The following NCKAP5 variants were observed in gnomAD, a reference collection of about 807,000 sequenced individuals.
NCKAP5 encodes nck-associated protein 5.
NCKAP5 carries 92 observed loss-of-function variants against 167.0 expected under a neutral mutation model. The ratio of observed to expected loss-of-function variants is 0.55; its 90% confidence interval spans 0.47 to 0.66. The LOEUF is 0.66. NCKAP5 is among the 30% of genes least tolerant of loss of function. NCKAP5 has a pLI of 0.00. For synonymous variants in NCKAP5, 891 were observed against 877.4 expected (o/e 1.02, Z -0.27); for missense variants, 2,378 against 2,315.0 (o/e 1.03, Z -0.56).
chr2:133,388,066 C>T (rs963886735), intron 3 of NCKAP5, among the ~76,000 whole-genome samples: 1 of 152,234 alleles, frequency 6.6e-6, no homozygotes, highest in Non-Finnish European at 1.5e-5. Context: ...CTCCATCCAG[C>T]TTTGTTCCAT....
chr2:132,695,202 C>T (rs989349099), intron 19 of NCKAP5, among the ~76,000 whole-genome samples: 2 of 152,190 alleles, frequency 1.3e-5, no homozygotes, highest in East Asian at 3.9e-4. Context: ...GGGACATAAA[C>T]ATTCAATCCT....
rs543547116 is a variant in NCKAP5, at chr2:132,783,980, C to T, written c.2831G>A (p.Ser944Asn). The T allele has an allele frequency of 8.1e-6, 13 of 1,596,186 alleles. No individual in the cohort carries two copies. The South Asian group carries it at 1.0e-4, about 13-fold the overall frequency. The part of the protein sequence containing the change: ...GRSVSLLARP[S>N]YDYSPAPSST... ...TGAAGGTGCTGGTGAATAGTCATAG[C>T]TGGGCCTGGCCAGCAGGGAGACGGA... The change falls in exon 14 of 20, where the codon AGC becomes AAC. Residue 944 changes from serine to asparagine, a missense_variant. Physicochemically the swap from Ser to Asn is conservative, Grantham distance 46. Transcript: ENST00000409261.
At chr2:133,423,547 T>C (rs1179735335) in intron 3 of NCKAP5, among the ~76,000 whole-genome samples, 1 of 152,188 alleles carries the variant, frequency 6.6e-6, no homozygotes, top group Admixed American at 6.5e-5. Flanking sequence ...GGGGAATTGT[T>C]ACTACTAATT....
rs528781911 is a variant in NCKAP5 at position 133,360,106 on chromosome 2, T to C, written c.70-56996A>G. 5.3e-5 allele frequency among the ~76,000 whole-genome samples: 8 copies of C among 152,202 alleles called. No homozygotes were observed. The South Asian group carries it at 1.5e-3, about 28-fold the overall frequency. Reference sequence around the variant, plus strand: ...AAAAGCATGAAATATCATGAGACAATGCACATGAATCTCTCCTTTAGCCCC... The same window carrying C: ...AAAAGCATGAAATATCATGAGACAACGCACATGAATCTCTCCTTTAGCCCC... On this transcript the variant is annotated intron_variant, in intron 3 of 19. Transcript: ENST00000409261.
chr2:133,427,740 AAT>A (rs1689904077), intron 3 of NCKAP5, among the ~76,000 whole-genome samples: 1 of 152,162 alleles, frequency 6.6e-6, no homozygotes, highest in Non-Finnish European at 1.5e-5. Context: ...GTGATATAAA[AAT>A]ATGTTAGCAT....
chr2:133,261,772 G>A (rs185200784), intron 4 of NCKAP5, among the ~76,000 whole-genome samples: 13 of 152,226 alleles, frequency 8.5e-5, no homozygotes, highest in Admixed American at 1.3e-4. Context: ...TCATACTTGC[G>A]GAGGGCCACA....
chr2:133,507,690 T>C (rs1045746361), intron 3 of NCKAP5, among the ~76,000 whole-genome samples: 51 of 152,144 alleles, frequency 3.4e-4, no homozygotes, highest in African/African-American at 1.2e-3. Flanking sequence ...ACTGAAGCGT[T>C]TGAATATGAT....
At chr2:132,911,279 T>C (rs1694429226) in intron 8 of NCKAP5, 1 of 154,100 alleles carries the variant, frequency 6.5e-6, no homozygotes, top group African/African-American at 2.4e-5. Flanking sequence ...TGGCTTCTAT[T>C]TTCTTTTCTT....
At chr2:132,836,414 T>C (rs1338479696) in intron 11 of NCKAP5, among the ~76,000 whole-genome samples, 4 of 152,144 alleles carry the variant, frequency 2.6e-5, no homozygotes, top group African/African-American at 9.7e-5. Flanking sequence ...TAGGAGTATT[T>C]TTTTTTTGTT....
At chr2:133,038,399 T>C (rs1276929588) in intron 6 of NCKAP5, among the ~76,000 whole-genome samples, 3 of 152,158 alleles carry the variant, frequency 2.0e-5, no homozygotes, top group Non-Finnish European at 4.4e-5. Flanking sequence ...TTTTCACTTA[T>C]TTGTCGGATC....
intron 19 of NCKAP5, among the ~76,000 whole-genome samples, chr2:132,703,052 G>A (rs1331629186): frequency 2.0e-5 from 3 of 152,068 alleles, no homozygotes; most frequent in East Asian, 1.9e-4. Context: ...GTAAGGGTAT[G>A]TGCCTGCAGT....
chr2:132,766,304 A>AG (rs1558740653), intron 16 of NCKAP5, among the ~76,000 whole-genome samples: 10 of 150,486 alleles, frequency 6.6e-5, no homozygotes, highest in Admixed American at 5.3e-4. Context: ...AAAAAAAAAA[A>AG]AGAGAAAATC....
chr2:133,057,279 G>A (rs1573894885), intron 6 of NCKAP5, among the ~76,000 whole-genome samples: 1 of 152,246 alleles, frequency 6.6e-6, no homozygotes, highest in East Asian at 1.9e-4. Flanking sequence ...AGGTCTTCAA[G>A]TGAAATGAAG....
chr2:133,481,532 G>T (rs1336955057), intron 3 of NCKAP5, among the ~76,000 whole-genome samples: 1 of 152,070 alleles, frequency 6.6e-6, no homozygotes, highest in Non-Finnish European at 1.5e-5. Flanking sequence ...TGTCACCCAG[G>T]TATTAAGCCT....
rs1558978466 is a variant in NCKAP5, at chr2:132,949,034, GAAAAGAAAAGAA to G, written c.579+14674_579+14685del. 3.8e-3 allele frequency among the ~76,000 whole-genome samples: 568 copies of G among 150,256 alleles called. 10 individuals are homozygous for G. In the East Asian group the frequency reaches 0.044, roughly 12 times the overall value. On this transcript the variant is annotated intron_variant, in intron 8 of 19. Coordinates refer to ENST00000409261, the MANE Select transcript of NCKAP5 (RefSeq NM_207363.3). Reference sequence around the variant, plus strand: ...GAAAAGAAAAGAAAAGAAAAGAAAAGAAAAGAAAAGAAAAGAAACATGGTGAGGAAGAAGGAC... The same window carrying G: ...GAAAAGAAAAGAAAAGAAAAGAAAAGAAGAAACATGGTGAGGAAGAAGGAC...
At position 132,689,016 on chromosome 2, in the gene NCKAP5, A is replaced by G. The variant is rs1186591759; in HGVS notation, c.5714-15711T>C. 4.1e-5 allele frequency among the ~76,000 whole-genome samples: 6 copies of G among 146,662 alleles called. No individual in the cohort carries two copies. The East Asian group carries it at 1.0e-3, about 25-fold the overall frequency. On this transcript the variant is annotated intron_variant, in intron 19 of 19. Transcript: ENST00000409261. ...AAAAAAAAAAAAAAAGCCTCTTTCC[A>G]AAAAGATTCTCTACTCTACTTCTCC...
intron 6 of NCKAP5, among the ~76,000 whole-genome samples, chr2:133,008,642 C>T (rs754035094): frequency 1.1e-4 from 16 of 152,066 alleles, no homozygotes; most frequent in Non-Finnish European, 2.1e-4. Flanking sequence ...GTTTAAAATA[C>T]GCAACTTAAG....
chr2:132,758,968 A>C (rs1680780728), intron 16 of NCKAP5, among the ~76,000 whole-genome samples: 1 of 152,234 alleles, frequency 6.6e-6, no homozygotes, highest in Non-Finnish European at 1.5e-5. Flanking sequence ...CTCTGATTAC[A>C]TCCTTCAATC....
At chr2:133,628,381 C>T in the NCKAP5 span, among the ~76,000 whole-genome samples, 1 of 152,140 alleles carries the variant, frequency 6.6e-6, no homozygotes, top group Admixed American at 6.5e-5. Context: ...CATGAATGAA[C>T]TCCCATTCAC....
Sources: gnomAD v4.1 joint callset for allele counts (sites outside exome capture counted in the v4.1 genomes callset) on GRCh38, gnomAD v4.1.1 for gene constraint, MANE v1.5 for transcripts, NCBI Gene and HGNC (gene_info 2026-07-23, HGNC 2026-07-21) for gene names.